The following SNX4 variants were observed in gnomAD, a reference collection of about 807,000 sequenced individuals.
SNX4 encodes the protein sorting nexin-4.
SNX4 carries 49 observed loss-of-function variants against 70.8 expected under a neutral mutation model. That is an observed-to-expected ratio of 0.69 (90% CI 0.55 to 0.88). The LOEUF (loss-of-function observed/expected upper bound fraction) is 0.88. Ranked by LOEUF, SNX4 falls within the 40% of genes least tolerant of loss-of-function variation. The probability of loss-of-function intolerance (pLI) is 0.00; values close to 1 mark genes in which losing one functional copy is unlikely to be tolerated. For synonymous variants in SNX4, 206 were observed against 183.8 expected, an observed-to-expected ratio of 1.12 and a Z score of -0.98; for missense variants, 528 against 544.8, an observed-to-expected ratio of 0.97 and a Z score of 0.31.
intron 9 of SNX4, among the ~76,000 whole-genome samples, chr3:125,466,474 G>C (rs915008853): frequency 1.4e-4 from 21 of 151,998 alleles, no homozygotes; most frequent in Non-Finnish European, 2.8e-4. Context: ...TTAAACTAAA[G>C]AGCTTCTGCA....
chr3:125,454,531 A>G (rs1933660243), intron 11 of SNX4, among the ~76,000 whole-genome samples: 1 of 152,208 alleles, frequency 6.6e-6, no homozygotes, highest in Non-Finnish European at 1.5e-5. Flanking sequence ...AAGGTTGGCG[A>G]CTGCTGATTT....
chr3:125,510,901 A>G (rs1276607145), intron 1 of SNX4, among the ~76,000 whole-genome samples: 1 of 152,196 alleles, frequency 6.6e-6, no homozygotes, highest in Non-Finnish European at 1.5e-5. Context: ...GGTAAATTTT[A>G]TATCATATAT....
At chr3:125,503,936 C>T (rs866297913) in intron 2 of SNX4, among the ~76,000 whole-genome samples, 2 of 152,146 alleles carry the variant, frequency 1.3e-5, no homozygotes, top group African/African-American at 4.8e-5. Context: ...GTGGCTCACA[C>T]GAGTAATCCC....
intron 1 of SNX4, among the ~76,000 whole-genome samples, chr3:125,518,584 T>C (rs1180978190): frequency 6.6e-6 from 1 of 152,124 alleles, no homozygotes; most frequent in Non-Finnish European, 1.5e-5. Flanking sequence ...AACTTAAAAG[T>C]CTTTCAGGCC....
At chr3:125,486,375 T>C (rs926049166) in intron 6 of SNX4, among the ~76,000 whole-genome samples, 1 of 152,212 alleles carries the variant, frequency 6.6e-6, no homozygotes, top group Admixed American at 6.5e-5. Context: ...GATTTTTTTT[T>C]TTCAGCCAAG....
chr3:125,487,026 T>C (rs1197634484), intron 6 of SNX4, among the ~76,000 whole-genome samples: 2 of 152,186 alleles, frequency 1.3e-5, no homozygotes, highest in African/African-American at 2.4e-5. Context: ...AACAGTCTAG[T>C]TTGAGGAAAG....
At chr3:125,459,506 G>A (rs746597983) in intron 10 of SNX4, among the ~76,000 whole-genome samples, 4 of 152,010 alleles carry the variant, frequency 2.6e-5, no homozygotes, top group Non-Finnish European at 5.9e-5. Flanking sequence ...GTGCGATCTC[G>A]GCTCACTGCA....
chr3:125,463,428 T>C (rs79349412), intron 9 of SNX4, among the ~76,000 whole-genome samples: 224 of 152,000 alleles, frequency 1.5e-3, no homozygotes, highest in African/African-American at 5.2e-3. Context: ...TGGGGAAGTA[T>C]AAATGATAAA....
At chr3:125,519,919 C>G in intron 1 of SNX4, 113 bp downstream of exon 1, 1 of 1,023,130 alleles carries the variant, frequency 9.8e-7, no homozygotes, top group Non-Finnish European at 1.3e-6. Context: ...ACTGCTGGGC[C>G]TCCTCGGCCG....
At chr3:125,476,181 G>A (rs1386932375) in intron 8 of SNX4, among the ~76,000 whole-genome samples, 9 of 144,928 alleles carry the variant, frequency 6.2e-5, no homozygotes, top group Admixed American at 5.7e-4. Flanking sequence ...GCAGAGAACT[G>A]CTTGAAACCA....
intron 9 of SNX4, among the ~76,000 whole-genome samples, chr3:125,464,469 A>ATATCCAG (rs1490135777): frequency 2.7e-5 from 4 of 150,816 alleles, no homozygotes; most frequent in African/African-American, 9.8e-5. Context: ...TTCCATGTAG[A>ATATCCAG]TATCCAGTTA....
intron 2 of SNX4, among the ~76,000 whole-genome samples, chr3:125,501,866 G>A (rs918763419): frequency 6.6e-6 from 1 of 152,124 alleles, no homozygotes; most frequent in African/African-American, 2.4e-5. Flanking sequence ...ACTTAAATAT[G>A]TATTCACAGT....
chr3:125,484,318 G>A (rs1006262036), intron 6 of SNX4, among the ~76,000 whole-genome samples: 20 of 152,124 alleles, frequency 1.3e-4, no homozygotes, highest in Non-Finnish European at 2.2e-4. Flanking sequence ...GCAGTGGCAC[G>A]ATCTTGGCTC....
At chr3:125,505,634 T>C (rs771360252) in intron 1 of SNX4, among the ~76,000 whole-genome samples, 23 of 152,216 alleles carry the variant, frequency 1.5e-4, no homozygotes, top group Non-Finnish European at 2.4e-4. Flanking sequence ...CAACTGCTTC[T>C]TCTAAGAGGC....
chr3:125,506,259 G>A (rs2107566929), intron 1 of SNX4, among the ~76,000 whole-genome samples: 1 of 151,646 alleles, frequency 6.6e-6, no homozygotes, highest in East Asian at 1.9e-4. Flanking sequence ...CCCTTCAGAG[G>A]GAAAAAATAC....
intron 6 of SNX4, among the ~76,000 whole-genome samples, chr3:125,483,546 AAAGGT>A (rs1934462170): frequency 6.6e-6 from 1 of 152,218 alleles, no homozygotes; most frequent in African/African-American, 2.4e-5. Context: ...TCTGGAGTTG[AAAGGT>A]CTTAACACCT....
intron 11 of SNX4, among the ~76,000 whole-genome samples, chr3:125,456,980 T>A (rs1251033505): frequency 2.2e-5 from 3 of 137,376 alleles, no homozygotes; most frequent in African/African-American, 5.7e-5. Flanking sequence ...TTTTTTTTTT[T>A]AAAACGAAAC....
intron 1 of SNX4, among the ~76,000 whole-genome samples, chr3:125,509,347 A>AG (rs1559825893): frequency 1.3e-5 from 2 of 151,612 alleles, no homozygotes; most frequent in African/African-American, 4.8e-5. Context: ...AAAAAAAAAA[A>AG]AGAGAGAAAG....
intron 9 of SNX4, among the ~76,000 whole-genome samples, chr3:125,466,767 GAGAC>G (rs1934031801): frequency 6.6e-6 from 1 of 152,068 alleles, no homozygotes; most frequent in African/African-American, 2.4e-5. Flanking sequence ...TCCAGCCTGG[GAGAC>G]AGAGTAAGAC....
Sources: allele counts gnomAD v4.1 joint callset (sites outside exome capture counted in the v4.1 genomes callset), GRCh38; gene constraint gnomAD v4.1.1; transcripts MANE v1.5; gene names NCBI Gene and HGNC (gene_info 2026-07-23, HGNC 2026-07-21).